C12orf42: variants seen among roughly 807,000 people sequenced by gnomAD.
The protein encoded by C12orf42 is chromosome 12 open reading frame 42.
In C12orf42, 25 loss-of-function variants were observed where a neutral mutation model predicts 21.6. The observed-to-expected ratio is 1.16, with a 90% CI of 0.84 to 1.62. The LOEUF is 1.62. Ranked by LOEUF, C12orf42 falls within the 40% of genes most tolerant of loss-of-function variation. The pLI, the probability that C12orf42 is intolerant of heterozygous loss-of-function variation, is 0.00. For missense variants in C12orf42, 483 were observed against 459.3 expected (o/e 1.05, Z -0.47); for synonymous variants, 174 against 175.0 (o/e 0.99, Z 0.05).
At chr12:103,371,918 G>A (rs2045279302) in intron 3 of C12orf42, among the ~76,000 whole-genome samples, 1 of 152,002 alleles carries the variant, frequency 6.6e-6, no homozygotes, top group Admixed American at 6.6e-5. Context: ...ACTTATCAAA[G>A]TTACAGAAGT....
chr12:103,079,680 T>G, the C12orf42 span, among the ~76,000 whole-genome samples: 158 of 152,324 alleles, frequency 1.0e-3, no homozygotes, highest in Non-Finnish European at 1.9e-3. Context: ...TCATAATACA[T>G]GTCCATCACA....
the C12orf42 span, among the ~76,000 whole-genome samples, chr12:103,145,766 C>G: frequency 6.6e-6 from 1 of 151,942 alleles, no homozygotes. Flanking sequence ...TATGGTACAT[C>G]AAAATGATGA....
the C12orf42 span, among the ~76,000 whole-genome samples, chr12:103,515,452 G>A: frequency 6.6e-6 from 1 of 152,320 alleles, no homozygotes; most frequent in East Asian, 1.9e-4. Flanking sequence ...ACCTGGCACA[G>A]ATTTGCTTTG....
At chr12:103,056,646 T>C in the C12orf42 span, among the ~76,000 whole-genome samples, 5 of 152,268 alleles carry the variant, frequency 3.3e-5, no homozygotes, top group South Asian at 1.0e-3. Flanking sequence ...TTATTGAGTT[T>C]GTTTATCCTG....
chr12:103,108,044 G>A, the C12orf42 span, among the ~76,000 whole-genome samples: 4 of 151,004 alleles, frequency 2.6e-5, no homozygotes, highest in African/African-American at 9.7e-5. Flanking sequence ...TAGAAGACAT[G>A]AGCAGATTTA....
In C12orf42 at chr12:103,306,044, A is replaced by G. The variant is rs2038276457; in HGVS notation, c.561T>C (p.Ala187=). ...TGTGTCTACTGATGTGTATGCCCTG[A>G]GCCTCCAGGTGAACAGGATTTACTG... ...AHSVNPVHLE[A]QGIHISRHTR... The change falls in exon 5 of 6, where the codon GCT becomes GCC. Residue 187 remains alanine, a synonymous_variant. Transcript: ENST00000548883. The G allele has an allele frequency of 6.2e-7, 1 of 1,613,864 alleles. No individual in the cohort carries two copies. Among genetic ancestry groups the G allele is most frequent in the African/African-American group, 1.3e-5 (1 of 74,936 alleles).
the C12orf42 span, among the ~76,000 whole-genome samples, chr12:103,061,259 C>T: frequency 6.6e-6 from 1 of 152,156 alleles, no homozygotes; most frequent in Admixed American, 6.5e-5. Flanking sequence ...GTCTTAACTT[C>T]CCATTGGTCT....
At chr12:103,512,308 G>A in the C12orf42 span, among the ~76,000 whole-genome samples, 1 of 152,198 alleles carries the variant, frequency 6.6e-6, no homozygotes, top group Non-Finnish European at 1.5e-5. Context: ...TGTGAAGGGT[G>A]TGTGGGTGGG....
intron 10 of C12orf42, among the ~76,000 whole-genome samples, chr12:103,245,232 A>G (rs10507160): frequency 0.016 from 2,423 of 152,240 alleles, 58 homozygotes; most frequent in African/African-American, 0.052. Context: ...CCTAGTAAAG[A>G]TAAATGAACA....
At chr12:103,224,466 G>A in the C12orf42 span, among the ~76,000 whole-genome samples, 1 of 152,258 alleles carries the variant, frequency 6.6e-6, no homozygotes, top group Non-Finnish European at 1.5e-5. Flanking sequence ...TGAGGAACAG[G>A]AAAGAAGGAA....
chr12:103,445,641 C>T lies in C12orf42; in HGVS notation c.78+32708G>A, dbSNP rs1951532299. Among the ~76,000 whole-genome samples, 4 of 151,814 alleles carry T rather than the reference C, an allele frequency of 2.6e-5. No individual in the cohort carries two copies. The South Asian group carries it at 8.3e-4, about 32-fold the overall frequency. ...TTTTTTATAAAGAGTTATTTATGTG[C>T]CCTAGATATTCTTTCTGGATTATAT... On this transcript the variant is annotated intron_variant, in intron 2 of 5. Coordinates refer to ENST00000548883, the MANE Select transcript of C12orf42 (RefSeq NM_198521.5).
intron 1 of C12orf42, among the ~76,000 whole-genome samples, chr12:103,491,313 C>A (rs1044725493): frequency 1.3e-5 from 2 of 152,086 alleles, no homozygotes; most frequent in African/African-American, 4.8e-5. Flanking sequence ...CCACTGAATT[C>A]TACATAGTAG....
At chr12:103,217,454 C>G in the C12orf42 span, among the ~76,000 whole-genome samples, 1 of 148,680 alleles carries the variant, frequency 6.7e-6, no homozygotes, top group East Asian at 2.0e-4. Context: ...CCTTGAGCCT[C>G]AGAGGTCGAG....
intron 4 of C12orf42, among the ~76,000 whole-genome samples, chr12:103,333,949 G>A (rs911138606): frequency 2.6e-5 from 4 of 152,158 alleles, no homozygotes; most frequent in African/African-American, 7.2e-5. Flanking sequence ...CCTGCCTGGG[G>A]CTATGACTTC....
chr12:103,253,155 G>T (rs940027407), intron 10 of C12orf42, among the ~76,000 whole-genome samples: 2 of 151,908 alleles, frequency 1.3e-5, no homozygotes, highest in African/African-American at 2.4e-5. Flanking sequence ...GTTCTGTTCC[G>T]TTGGTCTATA....
chr12:103,096,160 G>A, the C12orf42 span, among the ~76,000 whole-genome samples: 1 of 152,134 alleles, frequency 6.6e-6, no homozygotes, highest in South Asian at 2.1e-4. Context: ...TTTGGCCATT[G>A]CTGCCGTAAA....
the C12orf42 span, among the ~76,000 whole-genome samples, chr12:103,153,658 C>T: frequency 6.6e-6 from 1 of 151,960 alleles, no homozygotes; most frequent in African/African-American, 2.4e-5. Context: ...AAAGACAGAC[C>T]AGTATCTAAA....
intron 4 of C12orf42, among the ~76,000 whole-genome samples, chr12:103,311,088 C>T (rs138035439): frequency 1.3e-5 from 2 of 152,144 alleles, no homozygotes; most frequent in African/African-American, 4.8e-5. Flanking sequence ...GTTTAAATAC[C>T]TCCAGGGAAC....
chr12:103,119,816 C>T, the C12orf42 span, among the ~76,000 whole-genome samples: 18 of 152,224 alleles, frequency 1.2e-4, no homozygotes, highest in East Asian at 9.6e-4. Context: ...TCTTTTACCT[C>T]GAAGCCAACC....
Sources: gnomAD v4.1 joint callset for allele counts (sites outside exome capture counted in the v4.1 genomes callset) on GRCh38, gnomAD v4.1.1 for gene constraint, MANE v1.5 for transcripts, NCBI Gene and HGNC (gene_info 2026-07-23, HGNC 2026-07-21) for gene names.